FNBP1L: variants seen among roughly 807,000 people sequenced by gnomAD.
The protein encoded by FNBP1L is formin binding protein 1 like.
In FNBP1L, 36 loss-of-function variants were observed where a neutral mutation model predicts 91.2. The observed-to-expected ratio is 0.39, with a 90% CI of 0.30 to 0.52. The LOEUF (loss-of-function observed/expected upper bound fraction) is 0.52, where lower values mean the gene tolerates loss of function less well. Among genes scored for constraint, FNBP1L ranks in the 20% least tolerant of loss-of-function variants. The pLI, the probability that FNBP1L is intolerant of heterozygous loss-of-function variation, is 0.66. For synonymous variants in FNBP1L, 242 were observed against 237.0 expected, an observed-to-expected ratio of 1.02 and a Z score of -0.19; for missense variants, 571 against 732.1, an observed-to-expected ratio of 0.78 and a Z score of 2.54.
chr1:93,487,520 A>G (rs890875967), intron 1 of FNBP1L, among the ~76,000 whole-genome samples: 1 of 152,218 alleles, frequency 6.6e-6, no homozygotes, highest in Non-Finnish European at 1.5e-5. Flanking sequence ...AGAACAAATA[A>G]GTTTTCACTA....
At chr1:93,540,164 A>G (rs1037313744) in intron 10 of FNBP1L, among the ~76,000 whole-genome samples, 1 of 152,106 alleles carries the variant, frequency 6.6e-6, no homozygotes, top group East Asian at 1.9e-4. Context: ...AGATATATCC[A>G]AATCCATATA....
At chr1:93,516,069 CTT>C (rs2101744107) in intron 2 of FNBP1L, among the ~76,000 whole-genome samples, 1 of 152,076 alleles carries the variant, frequency 6.6e-6, no homozygotes, top group Non-Finnish European at 1.5e-5. Flanking sequence ...CCTCCAGTCT[CTT>C]GGATTTACAT....
At position 93,546,824 on chromosome 1, in the gene FNBP1L, G is replaced by T; in HGVS notation, c.1275-18G>T. 6.2e-7 allele frequency: 1 copy of T among 1,610,068 alleles called. No homozygotes were observed. The highest frequency in any genetic ancestry group is 8.5e-7 in the Non-Finnish European group (1 of 1,178,122). On this transcript the variant is annotated intron_variant, in intron 12 of 16. Transcript: ENST00000271234. The stretch of plus-strand genomic sequence containing the variant: ...TATGAAGTTAATATTTAATTCTGGG[G>T]TTCCTTCTCTTTTTTAGAGATGCAC...
At chr1:93,464,918 A>G (rs1477418017) in intron 1 of FNBP1L, among the ~76,000 whole-genome samples, 1 of 152,074 alleles carries the variant, frequency 6.6e-6, no homozygotes, top group African/African-American at 2.4e-5. Context: ...TACCTTGGGG[A>G]TGATACCAAC....
At chr1:93,479,959 A>G (rs1157488637) in intron 1 of FNBP1L, among the ~76,000 whole-genome samples, 2 of 152,240 alleles carry the variant, frequency 1.3e-5, no homozygotes, top group Non-Finnish European at 2.9e-5. Flanking sequence ...TTATAAGAGT[A>G]TTATTTGGGA....
intron 12 of FNBP1L, among the ~76,000 whole-genome samples, chr1:93,545,330 A>G (rs1672186124): frequency 2.0e-5 from 3 of 152,180 alleles, no homozygotes; most frequent in African/African-American, 7.2e-5. Context: ...CAAGAAGGCC[A>G]GAGTGTCACT....
At chr1:93,502,528 T>C (rs896811299) in intron 2 of FNBP1L, among the ~76,000 whole-genome samples, 12 of 152,196 alleles carry the variant, frequency 7.9e-5, no homozygotes, top group Non-Finnish European at 1.8e-4. Flanking sequence ...GGCAGACTTG[T>C]TTGCCTTCTC....
At chr1:93,501,832 C>G (rs1316586955) in intron 2 of FNBP1L, among the ~76,000 whole-genome samples, 1 of 152,094 alleles carries the variant, frequency 6.6e-6, no homozygotes, top group African/African-American at 2.4e-5. Flanking sequence ...AACAGTGTTT[C>G]TCAAAATGTT....
chr1:93,456,438 CTG>C (rs1052253098), intron 1 of FNBP1L, among the ~76,000 whole-genome samples: 5 of 151,906 alleles, frequency 3.3e-5, no homozygotes, highest in Admixed American at 6.6e-5. Flanking sequence ...TAAAGGATAT[CTG>C]TTTTGTTTTT....
chr1:93,458,929 A>G (rs7553492), intron 1 of FNBP1L, among the ~76,000 whole-genome samples: 2,520 of 152,318 alleles, frequency 0.017, 72 homozygotes, highest in African/African-American at 0.057. Flanking sequence ...ATAGACCCAT[A>G]TAGACTTTGG....
At chr1:93,464,980 A>G (rs969029689) in intron 1 of FNBP1L, among the ~76,000 whole-genome samples, 9 of 152,162 alleles carry the variant, frequency 5.9e-5, no homozygotes, top group African/African-American at 2.2e-4. Context: ...CAGGGCCACA[A>G]TAGTCATAAG....
intron 11 of FNBP1L, 63 bp downstream of exon 11, chr1:93,541,119 G>A: frequency 6.8e-7 from 1 of 1,472,290 alleles, no homozygotes; most frequent in Non-Finnish European, 9.1e-7. Context: ...ACATTGTTTT[G>A]TTTAATTCAA....
intron 2 of FNBP1L, among the ~76,000 whole-genome samples, chr1:93,506,901 A>G (rs1670636018): frequency 6.6e-6 from 1 of 152,136 alleles, no homozygotes; most frequent in Non-Finnish European, 1.5e-5. Flanking sequence ...AAAGGGTGAT[A>G]TATTTAATAT....
chr1:93,516,194 A>G (rs1343867722), intron 2 of FNBP1L, among the ~76,000 whole-genome samples: 1 of 151,158 alleles, frequency 6.6e-6, no homozygotes, highest in Non-Finnish European at 1.5e-5. Context: ...TCAAGGGGGA[A>G]AAAAAAAAGT....
intron 1 of FNBP1L, among the ~76,000 whole-genome samples, chr1:93,451,654 A>ATAT (rs1423154960): frequency 6.6e-6 from 1 of 151,944 alleles, no homozygotes; most frequent in Non-Finnish European, 1.5e-5. Flanking sequence ...CATATTATTT[A>ATAT]TATTATTATT....
At chr1:93,515,205 C>G (rs1036082321) in intron 2 of FNBP1L, among the ~76,000 whole-genome samples, 1 of 152,122 alleles carries the variant, frequency 6.6e-6, no homozygotes, top group African/African-American at 2.4e-5. Flanking sequence ...CAAATCAAAA[C>G]CACAATGACA....
chr1:93,507,781 G>A (rs112893015), intron 2 of FNBP1L, among the ~76,000 whole-genome samples: 3,487 of 151,760 alleles, frequency 0.023, 149 homozygotes, highest in African/African-American at 0.08. Context: ...CCCTAGTAGC[G>A]GGGATTATAG....
At chr1:93,501,081 A>T (rs956422463) in intron 2 of FNBP1L, among the ~76,000 whole-genome samples, 1 of 152,196 alleles carries the variant, frequency 6.6e-6, no homozygotes, top group Non-Finnish European at 1.5e-5. Context: ...TGTGGCAAAT[A>T]AAAATTCTAT....
At chr1:93,552,148 T>C in intron 16 of FNBP1L, 1 of 1,210,752 alleles carries the variant, frequency 8.3e-7, no homozygotes, top group Non-Finnish European at 1.0e-6. Flanking sequence ...GCAAGCGTTG[T>C]TGGAAACACT....
Sources: allele counts gnomAD v4.1 joint callset (sites outside exome capture counted in the v4.1 genomes callset), GRCh38; gene constraint gnomAD v4.1.1; transcripts MANE v1.5; gene names NCBI Gene and HGNC (gene_info 2026-07-23, HGNC 2026-07-21).